LAMA1: variants seen among roughly 807,000 people sequenced by gnomAD.
LAMA1 encodes laminin subunit alpha 1.
LAMA1 carries 219 observed loss-of-function variants against 348.7 expected under a neutral mutation model. That is an observed-to-expected ratio of 0.63 (90% CI 0.56 to 0.70). The LOEUF (loss-of-function observed/expected upper bound fraction) is 0.70, where lower values mean the gene tolerates loss of function less well. Ranked by LOEUF, LAMA1 falls within the 30% of genes least tolerant of loss-of-function variation. The pLI, the probability that LAMA1 is intolerant of heterozygous loss-of-function variation, is 0.00. For missense variants in LAMA1, 3,744 were observed against 3,888.0 expected (o/e 0.96, Z 0.99); for synonymous variants, 1,487 against 1,491.0 (o/e 1.00, Z 0.06).
intron 48 of LAMA1, 129 bp downstream of exon 48, chr18:6,971,728 G>A: frequency 7.9e-7 from 1 of 1,263,276 alleles, no homozygotes; most frequent in Non-Finnish European, 1.1e-6. Flanking sequence ...TTTGTAATTG[G>A]CAGCTAAACA....
At chr18:6,995,928 T>G (rs1356148686) in intron 33 of LAMA1, among the ~76,000 whole-genome samples, 2 of 152,210 alleles carry the variant, frequency 1.3e-5, no homozygotes, top group Non-Finnish European at 2.9e-5. Flanking sequence ...TAAAACTTGA[T>G]GAATACTTTA....
At chr18:7,005,031 G>T (rs1299147374) in intron 29 of LAMA1, among the ~76,000 whole-genome samples, 4 of 152,122 alleles carry the variant, frequency 2.6e-5, no homozygotes, top group Admixed American at 6.5e-5. Flanking sequence ...ACTGACTCTG[G>T]GAGCAAAGGC....
rs776963260 is a variant in LAMA1, at chr18:6,978,393, T to C, written c.6008-15A>G. 3.7e-6 allele frequency: 6 copies of C among 1,610,526 alleles called. No individual in the cohort carries two copies. In the Admixed American group the frequency reaches 8.3e-5, roughly 22 times the overall value. On this transcript the variant is annotated splice_polypyrimidine_tract_variant and intron_variant, in intron 42 of 62. Transcript: ENST00000389658. ...GTCTCTTATACCTAAAATAAATGTA[T>C]ATAAAAGCATGCACTTCTGGTGCTT...
At chr18:7,068,700 GT>G (rs2058133378) in intron 3 of LAMA1, among the ~76,000 whole-genome samples, 1 of 151,688 alleles carries the variant, frequency 6.6e-6, no homozygotes, top group Admixed American at 6.6e-5. Context: ...CCTAGCTGAG[GT>G]TTTTATAAGC....
chr18:7,033,072 A>C lies in LAMA1; in HGVS notation c.2075T>G (p.Ile692Arg). The change falls in exon 15 of 63, where the codon ATA (isoleucine) becomes AGA (arginine). Residue 692 changes from isoleucine (I) to arginine (R), a missense_variant. Ile to Arg is a moderately conservative substitution (Grantham distance 97). Coordinates refer to ENST00000389658, the MANE Select transcript of LAMA1 (RefSeq NM_005559.4). ...LYRLESVSLD[I>R]ASSNAIDLVV... ...CAGGTCGATGGCATTAGAGCTGGCT[A>C]TGTCCAGAGAGACGGACTCCAACCT... is the stretch of plus-strand genomic sequence containing the variant. The C allele has an allele frequency of 6.2e-7, 1 of 1,611,624 alleles. No homozygotes were observed. The highest frequency in any genetic ancestry group is 8.5e-7 in the Non-Finnish European group (1 of 1,178,954).
At chr18:7,114,940 G>C (rs1318920194) in intron 1 of LAMA1, among the ~76,000 whole-genome samples, 5 of 152,102 alleles carry the variant, frequency 3.3e-5, no homozygotes, top group Non-Finnish European at 7.4e-5. Flanking sequence ...TAATATTCTT[G>C]ATGCATTTGA....
At chr18:7,110,881 T>C (rs2058332790) in intron 1 of LAMA1, among the ~76,000 whole-genome samples, 1 of 69,394 alleles carries the variant, frequency 1.4e-5, no homozygotes, top group Non-Finnish European at 2.5e-5. Context: ...TGAGGGTTTT[T>C]TTTCCCTCCC....
chr18:7,058,967 G>C (rs2058092755), intron 3 of LAMA1, among the ~76,000 whole-genome samples: 1 of 152,054 alleles, frequency 6.6e-6, no homozygotes, highest in African/African-American at 2.4e-5. Flanking sequence ...TCGACTCACT[G>C]CAACCTCTGC....
In LAMA1 at chr18:7,044,754, G is replaced by C. The variant is rs201386303; in HGVS notation, c.944C>G (p.Pro315Arg). The C allele has an allele frequency of 6.2e-7, 1 of 1,614,136 alleles. No individual in the cohort carries two copies. Among genetic ancestry groups the C allele is most frequent in the Admixed American group, 1.7e-5 (1 of 60,020 alleles). The stretch of plus-strand genomic sequence containing the variant: ...TGTATTGCCGGAGGACACGGTTCCC[G>C]GCCTCCAGGGCTGCTGATGGTACCC... ...CPGYHQQPWR[P>R]GTVSSGNTCE... The change falls in exon 7 of 63, where the codon CCG becomes CGG. Residue 315 changes from proline to arginine, a missense_variant. By Grantham distance (103) the Pro-to-Arg change is moderately radical (BLOSUM62 -2). Coordinates refer to ENST00000389658, the MANE Select transcript of LAMA1 (RefSeq NM_005559.4).
At position 6,975,817 on chromosome 18, in the gene LAMA1, T is replaced by C. The variant is rs539965331; in HGVS notation, c.6489+120A>G. 6 of 1,165,932 alleles carry C rather than the reference T, an allele frequency of 5.1e-6. No individual in the cohort carries two copies. In the East Asian group the frequency reaches 1.2e-4, roughly 23 times the overall value. 72.2% of individuals were successfully genotyped at this position (1,165,932 alleles called of 1,614,324 possible). ...TACCATTTTAACAAAGGTTAGTCCCTATGGGAGATTTAGAGATTTCACTAA... is the reference window on the plus strand; with the variant it reads ...TACCATTTTAACAAAGGTTAGTCCCCATGGGAGATTTAGAGATTTCACTAA... On this transcript the variant is annotated intron_variant, in intron 45 of 62. Coordinates refer to ENST00000389658, the MANE Select transcript of LAMA1 (RefSeq NM_005559.4).
At position 6,993,696 on chromosome 18, in the gene LAMA1, G is replaced by C; in HGVS notation, c.4953C>G (p.Phe1651Leu). 1 of 1,613,968 alleles carries C rather than the reference G, an allele frequency of 6.2e-7. No homozygotes were observed. The highest frequency in any genetic ancestry group is 8.5e-7 in the Non-Finnish European group (1 of 1,179,952). Reference protein sequence around the residue: ...QKVNRATERIFKESQDLAIAI... With the variant: ...QKVNRATERILKESQDLAIAI... ...CTATGGCCAGGTCTTGACTCTCCTT[G>C]AAGATTCTCTCAGTTGCCCTATTCA... The change falls in exon 35 of 63, where the codon TTC becomes TTG. Residue 1651 changes from phenylalanine to leucine, a missense_variant. Physicochemically the swap from Phe to Leu is conservative, Grantham distance 22 (BLOSUM62 0). This residue lies in a region of LAMA1 where 1,983 missense variants were observed against 1,934.3 expected (regional missense o/e 1.03). Coordinates refer to ENST00000389658, the MANE Select transcript of LAMA1 (RefSeq NM_005559.4).
chr18:7,067,063 G>A (rs1297086768), intron 3 of LAMA1, among the ~76,000 whole-genome samples: 1 of 152,152 alleles, frequency 6.6e-6, no homozygotes, highest in African/African-American at 2.4e-5. Context: ...AATTATTACA[G>A]GCATTTTGCT....
Position 7,050,721 on chromosome 18 carries a change from G to A in LAMA1, c.561C>T (p.Ser187=). The change falls in exon 4 of 63, where the codon TCC becomes TCT. Residue 187 remains serine, a synonymous_variant. Coordinates refer to ENST00000389658, the MANE Select transcript of LAMA1 (RefSeq NM_005559.4). ...DDEVICTSYY[S]RLVPLEHGEI... is the part of the protein sequence containing the mutation. ...CTCCATGCTCAAGTGGCACCAATCT[G>A]GAATAATAGGAGGTGCAGATCACTT... 1.2e-6 allele frequency: 2 copies of A among 1,614,042 alleles called. No individual in the cohort carries two copies. The highest frequency in any genetic ancestry group is 1.7e-6 in the Non-Finnish European group (2 of 1,180,022).
intron 35 of LAMA1, 132 bp from the exon 36 acceptor site, chr18:6,992,852 G>A (rs942237706): frequency 5.7e-6 from 4 of 700,984 alleles, no homozygotes; most frequent in Non-Finnish European, 9.9e-6. Flanking sequence ...TGTCAGGCCA[G>A]GCCACCTGGC....
At chr18:6,994,603 G>A (rs2057772496) in intron 34 of LAMA1, among the ~76,000 whole-genome samples, 1 of 151,794 alleles carries the variant, frequency 6.6e-6, no homozygotes, top group African/African-American at 2.4e-5. Context: ...CTAGGGTGAT[G>A]TTTGTGTATG....
In LAMA1 at chr18:6,995,341, T is replaced by C. The variant is rs760721793; in HGVS notation, c.4896+16A>G. 1 of 1,590,568 alleles carries C rather than the reference T, an allele frequency of 6.3e-7. No individual in the cohort carries two copies. The highest frequency in any genetic ancestry group is 8.6e-7 in the Non-Finnish European group (1 of 1,158,536). ...GGGACCAGGAGGAAGGTTGGTTGGT[T>C]ATGGAAAGAATTTACCTTCTTTTGC... On this transcript the variant is annotated intron_variant, in intron 34 of 62. Coordinates refer to ENST00000389658, the MANE Select transcript of LAMA1 (RefSeq NM_005559.4).
chr18:7,022,952 TA>T (rs558246011), intron 19 of LAMA1, among the ~76,000 whole-genome samples: 1 of 152,154 alleles, frequency 6.6e-6, no homozygotes, highest in Non-Finnish European at 1.5e-5. Context: ...CACTGACCCC[TA>T]TGGGTTATGA....
intron 1 of LAMA1, among the ~76,000 whole-genome samples, chr18:7,097,891 G>C (rs867909756): frequency 6.7e-6 from 1 of 149,522 alleles, no homozygotes; most frequent in Non-Finnish European, 1.5e-5. Context: ...CTCTTTCCAC[G>C]GTCTCCCTCT....
chr18:6,945,042 T>G (rs1469106433), intron 61 of LAMA1, among the ~76,000 whole-genome samples: 2 of 152,290 alleles, frequency 1.3e-5, no homozygotes, highest in Non-Finnish European at 2.9e-5. Flanking sequence ...GCATTCCTAA[T>G]TTTTTATTTA....
Sources: allele counts gnomAD v4.1 joint callset (sites outside exome capture counted in the v4.1 genomes callset), GRCh38; gene constraint gnomAD v4.1.1; regional missense constraint gnomAD v4.1.1; transcripts MANE v1.5; gene names NCBI Gene and HGNC (gene_info 2026-07-23, HGNC 2026-07-21).